Variants in GMDS observed in about 807,000 individuals in gnomAD.
The protein encoded by GMDS is GDP-mannose 4,6 dehydratase.
Under a neutral mutation model 49.9 loss-of-function variants are expected in GMDS, and 20 were observed. The observed-to-expected ratio is 0.40, with a 90% CI of 0.28 to 0.58. GMDS has a LOEUF of 0.58. GMDS is among the 20% of genes least tolerant of loss of function. GMDS has a pLI of 0.42. For synonymous variants in GMDS, 177 were observed against 178.6 expected (o/e 0.99, Z 0.07); for missense variants, 362 against 481.4 (o/e 0.75, Z 2.32).
chr6:2,100,505 A>G (rs572349489), intron 4 of GMDS, among the ~76,000 whole-genome samples: 1 of 152,226 alleles, frequency 6.6e-6, no homozygotes, highest in East Asian at 1.9e-4. Flanking sequence ...TATTTTATAA[A>G]GCTGTACTAG....
At chr6:1,796,079 G>C (rs1166489024) in intron 7 of GMDS, among the ~76,000 whole-genome samples, 1 of 152,112 alleles carries the variant, frequency 6.6e-6, no homozygotes, top group African/African-American at 2.4e-5. Context: ...TAAGCACAGG[G>C]TTGTGTATGC....
chr6:1,801,945 T>C (rs925428268), intron 7 of GMDS, among the ~76,000 whole-genome samples: 5 of 152,166 alleles, frequency 3.3e-5, no homozygotes, highest in Non-Finnish European at 7.3e-5. Context: ...CCACCCCGAA[T>C]AAAAACGGCA....
At chr6:1,785,704 C>A (rs1769289474) in intron 7 of GMDS, among the ~76,000 whole-genome samples, 1 of 152,210 alleles carries the variant, frequency 6.6e-6, no homozygotes, top group Non-Finnish European at 1.5e-5. Context: ...GCATCCTCGG[C>A]AGGGAAGGAG....
At chr6:2,165,861 C>T (rs1409602558) in intron 1 of GMDS, among the ~76,000 whole-genome samples, 2 of 152,132 alleles carry the variant, frequency 1.3e-5, no homozygotes, top group African/African-American at 2.4e-5. Flanking sequence ...GAAACACAGA[C>T]ATTCCACGTA....
intron 7 of GMDS, among the ~76,000 whole-genome samples, chr6:1,781,902 G>A (rs754171215): frequency 1.3e-5 from 2 of 149,874 alleles, no homozygotes; most frequent in Non-Finnish European, 3.0e-5. Context: ...AATCCCAGCT[G>A]TCCTGAAATA....
intron 7 of GMDS, among the ~76,000 whole-genome samples, chr6:1,750,142 CAT>C (rs1348225539): frequency 3.9e-5 from 6 of 152,190 alleles, no homozygotes; most frequent in African/African-American, 1.4e-4. Flanking sequence ...ATTAATACCT[CAT>C]ATTTCAAGTT....
At chr6:1,853,410 G>T (rs11961022) in intron 7 of GMDS, among the ~76,000 whole-genome samples, 3 of 147,786 alleles carry the variant, frequency 2.0e-5, no homozygotes, top group Non-Finnish European at 4.4e-5. Flanking sequence ...CCCAGCTACT[G>T]GGGAGGCTGA....
At chr6:2,110,232 C>T (rs1452186533) in intron 4 of GMDS, among the ~76,000 whole-genome samples, 1 of 135,316 alleles carries the variant, frequency 7.4e-6, no homozygotes, top group East Asian at 2.6e-4. Flanking sequence ...TGTATTTGTT[C>T]ACCCACCCCC....
chr6:2,009,802 T>C (rs1163220964), intron 4 of GMDS, among the ~76,000 whole-genome samples: 1 of 152,214 alleles, frequency 6.6e-6, no homozygotes, highest in African/African-American at 2.4e-5. Context: ...ATCAGCAGAA[T>C]TCTACAAAGT....
rs138837319 is a variant in GMDS at position 1,689,810 on chromosome 6, C to T, written c.987+36606G>A. On this transcript the variant is annotated intron_variant, in intron 9 of 10. Coordinates refer to ENST00000380815, the MANE Select transcript of GMDS (RefSeq NM_001500.4). ...CTGAAAAATTGTAATAAAGTGAAGACGCGTGATTTCCTTAGGTCAAGAGGA... is the reference window on the plus strand; with the variant it reads ...CTGAAAAATTGTAATAAAGTGAAGATGCGTGATTTCCTTAGGTCAAGAGGA... 1.6e-4 allele frequency among the ~76,000 whole-genome samples: 25 copies of T among 152,258 alleles called. 1 individual carries two copies. Among genetic ancestry groups the T allele is most frequent in the Non-Finnish European group, 2.5e-4 (17 of 68,026 alleles).
In GMDS at chr6:2,192,745, C is replaced by T. The variant is rs1779098310; in HGVS notation, c.102+52576G>A. 2.6e-5 allele frequency among the ~76,000 whole-genome samples: 4 copies of T among 152,326 alleles called. No individual in the cohort carries two copies. The South Asian group carries it at 8.3e-4, about 32-fold the overall frequency. On this transcript the variant is annotated intron_variant, in intron 1 of 10. Transcript: ENST00000380815. ...GCCAGCATGTCTGACTGTGCAGTAG[C>T]CCAACCCCGCACTCACTCACACACG...
At chr6:1,898,367 G>A (rs1405865855) in intron 7 of GMDS, among the ~76,000 whole-genome samples, 2 of 152,250 alleles carry the variant, frequency 1.3e-5, no homozygotes, top group Non-Finnish European at 2.9e-5. Context: ...GCCTAGTTGA[G>A]TCTCTTTAAG....
chr6:1,832,303 C>T (rs1756689912), intron 7 of GMDS, among the ~76,000 whole-genome samples: 1 of 151,816 alleles, frequency 6.6e-6, no homozygotes, highest in African/African-American at 2.4e-5. Flanking sequence ...AGTCTGGAAG[C>T]TCCTCGAACC....
chr6:1,874,076 GACCTGCTT>G (rs759291706), intron 7 of GMDS, among the ~76,000 whole-genome samples: 29 of 152,316 alleles, frequency 1.9e-4, no homozygotes, highest in Non-Finnish European at 2.8e-4. Flanking sequence ...CTCCAGAGAC[GACCTGCTT>G]GGAGGCGTGC....
rs72842000 is a variant in GMDS at position 1,980,509 on chromosome 6, T to C, written c.346-19543A>G. On this transcript the variant is annotated intron_variant, in intron 4 of 10. Coordinates refer to ENST00000380815, the MANE Select transcript of GMDS (RefSeq NM_001500.4). The stretch of plus-strand genomic sequence containing the variant: ...AACAAGAAGAGCTAACTGTCTTACA[T>C]ATACAAACACTCAATAAAAAAGCAC... Among the ~76,000 whole-genome samples the C allele has an allele frequency of 6.1e-3, 930 of 151,296 alleles. 7 individuals carry two copies. The highest frequency in any genetic ancestry group is 0.01 in the Non-Finnish European group (683 of 67,860).
Position 1,640,186 on chromosome 6 carries a change from C to T in GMDS, c.988-15646G>A, listed in dbSNP as rs529273681. Among the ~76,000 whole-genome samples, 1 of 152,144 alleles carries T rather than the reference C, an allele frequency of 6.6e-6. No individual in the cohort carries two copies. The highest frequency in any genetic ancestry group is 1.5e-5 in the Non-Finnish European group (1 of 68,022). On this transcript the variant is annotated intron_variant, in intron 9 of 10. Transcript: ENST00000380815. The surrounding 1 kb of genome is among the most constrained non-coding windows in gnomAD (Gnocchi z 4.0). ...CGGCAGCACTGTTGCCCAAGGCTCC[C>T]CCACATCACTCTTCAGTTCTAGCAA...
intron 7 of GMDS, among the ~76,000 whole-genome samples, chr6:1,830,455 G>C (rs904025607): frequency 2.0e-5 from 3 of 152,188 alleles, no homozygotes; most frequent in Non-Finnish European, 4.4e-5. Flanking sequence ...TAAGGAGAGG[G>C]AGTATGTGTA....
At chr6:2,197,881 T>C (rs1263883491) in intron 1 of GMDS, among the ~76,000 whole-genome samples, 2 of 152,194 alleles carry the variant, frequency 1.3e-5, no homozygotes, top group African/African-American at 2.4e-5. Context: ...CTTTCTGTCA[T>C]TCATTTCCTC....
rs139649543 is a variant in GMDS at position 1,865,925 on chromosome 6, G to A, written c.771+64178C>T. On this transcript the variant is annotated intron_variant, in intron 7 of 10. Transcript: ENST00000380815. ...TGCATGGCTATATATACAGCCCCCA[G>A]CCCCACACCCTACCAACACAGAAAA... Among the ~76,000 whole-genome samples the A allele has an allele frequency of 9.2e-5, 14 of 152,178 alleles. No homozygotes were observed. In the East Asian group the frequency reaches 2.1e-3, roughly 23 times the overall value.
Sources: gnomAD v4.1 joint callset for allele counts (sites outside exome capture counted in the v4.1 genomes callset) on GRCh38, gnomAD v4.1.1 for gene constraint, Gnocchi (gnomAD v3.1) non-coding constraint, MANE v1.5 for transcripts, NCBI Gene and HGNC (gene_info 2026-07-23, HGNC 2026-07-21) for gene names.